CUX1: variants seen among roughly 807,000 people sequenced by gnomAD.
CUX1 encodes the protein protein CASP.
Under a neutral mutation model 158.8 loss-of-function variants are expected in CUX1, and 31 were observed. The observed-to-expected ratio is 0.20, with a 90% confidence interval of 0.15 to 0.26. The LOEUF is 0.26. CUX1 is among the 10% of genes least tolerant of loss of function. The pLI is 1.00. For synonymous variants in CUX1, 879 were observed against 862.1 expected (o/e 1.02, Z -0.34); for missense variants, 1,589 against 2,014.6 (o/e 0.79, Z 4.04).
At chr7:102,093,718 G>A (rs782057435) in intron 4 of CUX1, among the ~76,000 whole-genome samples, 4 of 152,190 alleles carry the variant, frequency 2.6e-5, no homozygotes, top group African/African-American at 9.7e-5. Context: ...CTTGAGCCCT[G>A]TGTTGCATAA....
At chr7:102,156,550 C>A (rs542592634) in intron 8 of CUX1, among the ~76,000 whole-genome samples, 26 of 152,288 alleles carry the variant, frequency 1.7e-4, no homozygotes, top group African/African-American at 6.0e-4. Context: ...CTGCCATGAC[C>A]CAAACACCTC....
chr7:102,016,470 T>C (rs1320153005), intron 2 of CUX1, among the ~76,000 whole-genome samples: 1 of 152,208 alleles, frequency 6.6e-6, no homozygotes, highest in Non-Finnish European at 1.5e-5. Flanking sequence ...GTCGCATAAA[T>C]GGAAGTCACG....
At chr7:102,239,686 T>C (rs1196138503) in intron 23 of CUX1, 102 bp downstream of exon 23, 1 of 1,374,720 alleles carries the variant, frequency 7.3e-7, no homozygotes, top group African/African-American at 1.5e-5. Flanking sequence ...GGGCCGGAGG[T>C]GGGGCGCTGG....
In CUX1 at chr7:102,118,309, G is replaced by A. The variant is rs982104413; in HGVS notation, c.674+3036G>A. Among the ~76,000 whole-genome samples, 4 of 152,142 alleles carry A rather than the reference G, an allele frequency of 2.6e-5. 1 individual carries two copies. The highest frequency in any genetic ancestry group is 3.2e-3 in the Middle Eastern group (1 of 316). On this transcript the variant is annotated intron_variant, in intron 8 of 23. Coordinates refer to ENST00000292535, the MANE Select transcript of CUX1 (RefSeq NM_181552.4). ...TCCCAGCACTTTGGGAGCCTGAGGC[G>A]GGCGGCTCACTTGAGCCCAGGAGTT...
chr7:101,851,394 C>T (rs1278057130), intron 1 of CUX1, among the ~76,000 whole-genome samples: 35 of 152,208 alleles, frequency 2.3e-4, no homozygotes, highest in Non-Finnish European at 1.2e-4. Flanking sequence ...CGGGGGCTTC[C>T]TCCCATCTCT....
At chr7:101,883,336 G>T (rs951074631) in intron 1 of CUX1, among the ~76,000 whole-genome samples, 1 of 152,158 alleles carries the variant, frequency 6.6e-6, no homozygotes, top group Non-Finnish European at 1.5e-5. Flanking sequence ...TATTGACATT[G>T]TATGGGGATG....
At chr7:101,947,498 A>T (rs549068530) in intron 2 of CUX1, among the ~76,000 whole-genome samples, 38 of 152,268 alleles carry the variant, frequency 2.5e-4, no homozygotes, top group Non-Finnish European at 4.7e-4. Context: ...CACCTTCATC[A>T]GTTTCTTAAA....
chr7:102,194,025 C>A, intron 13 of CUX1, 135 bp downstream of exon 13: 2 of 844,602 alleles, frequency 2.4e-6, no homozygotes, highest in Non-Finnish European at 3.8e-6. Flanking sequence ...ACTTCAAGAA[C>A]ATTTAACCAA....
intron 8 of CUX1, among the ~76,000 whole-genome samples, chr7:102,128,479 C>G (rs1012035820): frequency 1.3e-5 from 2 of 150,234 alleles, no homozygotes; most frequent in African/African-American, 4.9e-5. Flanking sequence ...TCCCAGAGAC[C>G]TGGATCTCGG....
intron 2 of CUX1, among the ~76,000 whole-genome samples, chr7:101,977,240 A>C (rs1021970211): frequency 4.5e-4 from 69 of 151,834 alleles, no homozygotes; most frequent in African/African-American, 1.6e-3. Context: ...TTCCGCTTTT[A>C]TCTCTCCACT....
intron 3 of CUX1, among the ~76,000 whole-genome samples, chr7:102,041,235 G>C: frequency 7.3e-6 from 1 of 137,080 alleles, no homozygotes; most frequent in Non-Finnish European, 1.5e-5. Context: ...CTGCCAGGGA[G>C]ATTGTCACCT....
At chr7:101,943,307 A>G (rs1807945756) in intron 2 of CUX1, among the ~76,000 whole-genome samples, 1 of 151,652 alleles carries the variant, frequency 6.6e-6, no homozygotes, top group South Asian at 2.1e-4. Context: ...GGTTTTCACC[A>G]TGTTGGCCAG....
Position 102,253,048 on chromosome 7 carries a change from A to G in CUX1, c.*4006A>G. 1.0e-6 allele frequency: 1 copy of G among 985,450 alleles called. No homozygotes were observed. Among genetic ancestry groups the G allele is most frequent in the Non-Finnish European group, 1.2e-6 (1 of 829,936 alleles). 61.0% of individuals were successfully genotyped at this position (985,450 alleles called of 1,614,324 possible). On this transcript the variant is annotated 3_prime_UTR_variant, in exon 24 of 24. Coordinates refer to ENST00000292535, the MANE Select transcript of CUX1 (RefSeq NM_181552.4). ...GCAAGTAATTGAGGCAAAAGATACC[A>G]GTCGACAGCCTCCCTGGGGTAGATC...
At chr7:102,214,740 AG>A (rs1796882967) in intron 20 of CUX1, among the ~76,000 whole-genome samples, 1 of 152,138 alleles carries the variant, frequency 6.6e-6, no homozygotes, top group African/African-American at 2.4e-5. Flanking sequence ...GAGGATAAGG[AG>A]GGGAGTTTCT....
chr7:101,837,348 G>A (rs946739157), intron 1 of CUX1, among the ~76,000 whole-genome samples: 5 of 152,118 alleles, frequency 3.3e-5, no homozygotes, highest in African/African-American at 1.2e-4. Context: ...TGAAATTGGC[G>A]GGTTCCATAC....
exon 23 of CUX1, chr7:102,283,195 C>A: frequency 1.1e-6 from 1 of 939,212 alleles, no homozygotes; most frequent in Non-Finnish European, 1.7e-6. Flanking sequence ...TGGAAACTGC[C>A]CTTATCCGCT....
At chr7:102,059,051 G>A (rs1198314288) in intron 3 of CUX1, among the ~76,000 whole-genome samples, 1 of 152,234 alleles carries the variant, frequency 6.6e-6, no homozygotes, top group Non-Finnish European at 1.5e-5. Context: ...GTGATCTGCT[G>A]TCCTGGAGCA....
At chr7:102,088,463 G>T (rs1828174812) in intron 4 of CUX1, among the ~76,000 whole-genome samples, 1 of 151,822 alleles carries the variant, frequency 6.6e-6, no homozygotes, top group African/African-American at 2.4e-5. Context: ...TTAAAGCCCT[G>T]TCTCTACTAG....
At chr7:101,817,135 C>G, upstream of CUX1, 1 of 984,320 alleles carries the variant, frequency 1.0e-6, no homozygotes, top group South Asian at 4.7e-5. This position sits in a 1 kb window ranked among gnomAD's most constrained non-coding sequence, Gnocchi z 4.1. Flanking sequence ...CGGGTGCGGG[C>G]GCGGGAGGAG....
Sources: allele counts gnomAD v4.1 joint callset (sites outside exome capture counted in the v4.1 genomes callset), GRCh38; gene constraint gnomAD v4.1.1; non-coding constraint Gnocchi (gnomAD v3.1); transcripts MANE v1.5; gene names NCBI Gene and HGNC (gene_info 2026-07-23, HGNC 2026-07-21).